The following PALM2AKAP2 variants were observed in gnomAD, a reference collection of about 807,000 sequenced individuals.
The protein encoded by PALM2AKAP2 is PALM2-AKAP2 fusion protein.
Under a neutral mutation model 71.5 loss-of-function variants are expected in PALM2AKAP2, and 37 were observed. That is an observed-to-expected ratio of 0.52 (90% CI 0.40 to 0.68). The LOEUF (loss-of-function observed/expected upper bound fraction) is 0.68. Among genes scored for constraint, PALM2AKAP2 ranks in the 30% least tolerant of loss-of-function variants. The probability of loss-of-function intolerance (pLI) is 0.00; values close to 1 mark genes in which losing one functional copy is unlikely to be tolerated. For synonymous variants in PALM2AKAP2, 468 were observed against 478.8 expected (o/e 0.98, Z 0.29); for missense variants, 1,224 against 1,191.8 (o/e 1.03, Z -0.40).
chr9:110,131,587 A>G (rs1835736344), intron 1 of PALM2AKAP2, among the ~76,000 whole-genome samples: 1 of 152,194 alleles, frequency 6.6e-6, no homozygotes, highest in Admixed American at 6.5e-5. Context: ...GATAGGTTAG[A>G]TTTCCAGCCC....
intron 1 of PALM2AKAP2, among the ~76,000 whole-genome samples, chr9:109,856,027 A>G (rs960364025): frequency 6.6e-6 from 1 of 152,232 alleles, no homozygotes; most frequent in Non-Finnish European, 1.5e-5. Context: ...AGATATAGCT[A>G]ACAAGAGGAA....
At chr9:110,035,277 A>T (rs1048948305) in intron 7 of PALM2AKAP2, among the ~76,000 whole-genome samples, 1 of 133,032 alleles carries the variant, frequency 7.5e-6, no homozygotes, top group Non-Finnish European at 1.6e-5. Context: ...ATAATATATA[A>T]TATACATATT....
intron 1 of PALM2AKAP2, among the ~76,000 whole-genome samples, chr9:109,677,698 A>T (rs944445218): frequency 6.6e-6 from 1 of 151,582 alleles, no homozygotes; most frequent in Non-Finnish European, 1.5e-5. Context: ...TTTTTGCCAT[A>T]CCAAGAATGG....
chr9:109,888,234 G>T (rs918336085), intron 3 of PALM2AKAP2, among the ~76,000 whole-genome samples: 4 of 152,172 alleles, frequency 2.6e-5, no homozygotes, highest in African/African-American at 9.7e-5. Context: ...GACCAAACTT[G>T]GCTGGAGTCC....
At chr9:109,959,546 G>T (rs578110936) in intron 6 of PALM2AKAP2, among the ~76,000 whole-genome samples, 42 of 151,606 alleles carry the variant, frequency 2.8e-4, no homozygotes, top group African/African-American at 9.9e-4. Context: ...TCGGGAGGTT[G>T]AGGCTAGAGA....
chr9:110,168,502 C>T, exon 4 of PALM2AKAP2: 4 of 1,613,956 alleles, frequency 2.5e-6, no homozygotes, highest in Admixed American at 3.3e-5. Context: ...GAATAAACTT[C>T]CTTCAACCCA....
rs1213195298 is a variant in PALM2AKAP2 at position 109,667,928 on chromosome 9, G to GTTT, written c.5+27086_5+27088dup. On this transcript the variant is annotated intron_variant, in intron 1 of 6. Transcript: ENST00000374531. ...AATACCTTTGAAAATGATGGCTTTG[G>GTTT]TTTTTTTTTTTTTTTTTTTTTTTTT... Among the ~76,000 whole-genome samples the GTTT allele has an allele frequency of 6.6e-3, 375 of 56,552 alleles. 83 individuals are homozygous for GTTT. The highest frequency in any genetic ancestry group is 0.027 in the African/African-American group (199 of 7,444). The allele number at this position is 56,552 out of a possible 152,430, so 37.1% of individuals were successfully genotyped here.
chr9:109,840,497 A>G (rs1828627586), intron 1 of PALM2AKAP2, among the ~76,000 whole-genome samples: 1 of 152,266 alleles, frequency 6.6e-6, no homozygotes. Context: ...CAATGGCAAC[A>G]GAAGCCAAAA....
intron 2 of PALM2AKAP2, among the ~76,000 whole-genome samples, chr9:110,150,040 GC>G (rs1836272533): frequency 6.6e-6 from 1 of 152,158 alleles, no homozygotes; most frequent in Admixed American, 6.5e-5. Flanking sequence ...TTGGAGGTGG[GC>G]CCTTTGGGAT....
At chr9:109,856,259 G>A (rs570518784) in intron 1 of PALM2AKAP2, among the ~76,000 whole-genome samples, 4 of 152,294 alleles carry the variant, frequency 2.6e-5, no homozygotes, top group African/African-American at 4.8e-5. Context: ...TTGCAGTCCC[G>A]TCTATAATTG....
intron 1 of PALM2AKAP2, among the ~76,000 whole-genome samples, chr9:110,078,593 G>A (rs2118670779): frequency 6.6e-6 from 1 of 152,298 alleles, no homozygotes; most frequent in African/African-American, 2.4e-5. Context: ...CTTAGTGTTT[G>A]TCGTGTATCA....
chr9:109,790,312 T>C (rs1827080830), intron 1 of PALM2AKAP2, among the ~76,000 whole-genome samples: 1 of 152,098 alleles, frequency 6.6e-6, no homozygotes. Flanking sequence ...ATTATACTGG[T>C]TTACTTACTA....
At chr9:109,889,778 G>T (rs1434225709) in intron 3 of PALM2AKAP2, among the ~76,000 whole-genome samples, 3 of 152,136 alleles carry the variant, frequency 2.0e-5, no homozygotes, top group Non-Finnish European at 4.4e-5. Context: ...CTCATTATTG[G>T]TCTGGCAAAT....
exon 3 of PALM2AKAP2, chr9:110,156,488 T>C (rs746788247): frequency 2.5e-6 from 4 of 1,604,002 alleles, no homozygotes; most frequent in Non-Finnish European, 3.4e-6. Context: ...AGAGAATGGA[T>C]GATAGTAGTG....
chr9:110,024,372 G>A lies in PALM2AKAP2; in HGVS notation c.582+8333G>A, dbSNP rs149070206. 5.3e-5 allele frequency among the ~76,000 whole-genome samples: 8 copies of A among 151,844 alleles called. No homozygotes were observed. The East Asian group carries it at 1.5e-3, about 29-fold the overall frequency. On this transcript the variant is annotated intron_variant, in intron 7 of 9. Transcript: ENST00000302798. ...TCATATAAATGGAGTCATACAACATGCAGTGTTTTGTATCTGGCTTAGGAT... is the reference window on the plus strand; with the variant it reads ...TCATATAAATGGAGTCATACAACATACAGTGTTTTGTATCTGGCTTAGGAT...
chr9:109,994,664 T>C (rs1366039393), intron 6 of PALM2AKAP2, among the ~76,000 whole-genome samples: 2 of 152,156 alleles, frequency 1.3e-5, no homozygotes, highest in Admixed American at 6.5e-5. Flanking sequence ...CCGTCCTGCA[T>C]CACTGGTCTT....
intron 1 of PALM2AKAP2, among the ~76,000 whole-genome samples, chr9:110,092,067 C>T (rs1834727094): frequency 6.6e-6 from 1 of 152,176 alleles, no homozygotes; most frequent in Non-Finnish European, 1.5e-5. Flanking sequence ...TGCAGTGGCT[C>T]ATACCTGTAA....
chr9:110,055,618 T>C (rs1833821530), intron 1 of PALM2AKAP2, among the ~76,000 whole-genome samples: 1 of 152,184 alleles, frequency 6.6e-6, no homozygotes, highest in Non-Finnish European at 1.5e-5. Context: ...GAATTAGTCT[T>C]CAAAATATGA....
chr9:109,766,782 AC>A (rs1193036702), intron 1 of PALM2AKAP2, among the ~76,000 whole-genome samples: 2 of 152,130 alleles, frequency 1.3e-5, no homozygotes, highest in Non-Finnish European at 2.9e-5. Flanking sequence ...CTTCTCATGA[AC>A]CCCATAATGT....
Sources: allele counts gnomAD v4.1 joint callset (sites outside exome capture counted in the v4.1 genomes callset), GRCh38; gene constraint gnomAD v4.1.1; transcripts MANE v1.5; gene names NCBI Gene and HGNC (gene_info 2026-07-23, HGNC 2026-07-21).